The following UBXN2A variants were observed in gnomAD, a reference collection of about 807,000 sequenced individuals.
The protein encoded by UBXN2A is UBX domain-containing protein 2A.
UBXN2A carries 28 observed loss-of-function variants against 28.4 expected under a neutral mutation model. That is an observed-to-expected ratio of 0.99 (90% CI 0.73 to 1.35). UBXN2A has a LOEUF of 1.35. Among genes scored for constraint, UBXN2A ranks in the 40% most tolerant of loss-of-function variants. The pLI, the probability that UBXN2A is intolerant of heterozygous loss-of-function variation, is 0.00. For missense variants in UBXN2A, 253 were observed against 297.9 expected (o/e 0.85, Z 1.11); for synonymous variants, 97 against 103.6 (o/e 0.94, Z 0.39).
At chr2:23,937,419 A>G (rs1179007805), upstream of UBXN2A, among the ~76,000 whole-genome samples, 1 of 152,034 alleles carries the variant, frequency 6.6e-6, no homozygotes, top group Admixed American at 6.6e-5. Flanking sequence ...GCATGGTGGC[A>G]CACGTCTGTG....
intron 4 of UBXN2A, among the ~76,000 whole-genome samples, chr2:23,979,167 A>AC (rs1168788468): frequency 6.6e-6 from 1 of 151,576 alleles, no homozygotes; most frequent in Non-Finnish European, 1.5e-5. Flanking sequence ...ACATGGGAAA[A>AC]CCCCATCTCT....
chr2:23,957,638 C>T (rs1329814317), intron 1 of UBXN2A, among the ~76,000 whole-genome samples: 1 of 151,748 alleles, frequency 6.6e-6, no homozygotes, highest in Non-Finnish European at 1.5e-5. Context: ...AGTTCGAGAC[C>T]AGCCTGACCA....
intron 4 of UBXN2A, among the ~76,000 whole-genome samples, chr2:23,982,024 C>G (rs1270466287): frequency 6.6e-6 from 1 of 151,982 alleles, no homozygotes; most frequent in Non-Finnish European, 1.5e-5. Context: ...AGCTGATAAG[C>G]TTTAAAAAAA....
At chr2:23,947,911 A>G (rs77940485) in intron 1 of UBXN2A, among the ~76,000 whole-genome samples, 26 of 150,466 alleles carry the variant, frequency 1.7e-4, no homozygotes, top group African/African-American at 5.1e-4. Flanking sequence ...CTGGAGTGCA[A>G]TGGCGGGGGC....
chr2:23,970,997 T>C (rs1302287060), intron 2 of UBXN2A, among the ~76,000 whole-genome samples: 1 of 152,156 alleles, frequency 6.6e-6, no homozygotes, highest in Non-Finnish European at 1.5e-5. Flanking sequence ...TGACAGGCCA[T>C]GGGCTTAGGG....
chr2:23,972,498 T>G (rs953987005), intron 3 of UBXN2A, among the ~76,000 whole-genome samples: 2 of 152,222 alleles, frequency 1.3e-5, no homozygotes, highest in Non-Finnish European at 2.9e-5. Flanking sequence ...TAATTTTAAT[T>G]AAGAATGTCC....
At chr2:23,979,107 C>T (rs926086154) in intron 4 of UBXN2A, among the ~76,000 whole-genome samples, 2 of 151,994 alleles carry the variant, frequency 1.3e-5, no homozygotes, top group Admixed American at 1.3e-4. Context: ...CTTTGGGTAG[C>T]CAAGGTGGGT....
At chr2:23,952,351 C>T (rs1194052121) in intron 1 of UBXN2A, among the ~76,000 whole-genome samples, 8 of 152,174 alleles carry the variant, frequency 5.3e-5, no homozygotes, top group Non-Finnish European at 8.8e-5. Flanking sequence ...GCAGCCTCAA[C>T]TTCCTGGGCT....
chr2:23,954,457 T>C (rs1013783665), intron 1 of UBXN2A, among the ~76,000 whole-genome samples: 7 of 152,192 alleles, frequency 4.6e-5, no homozygotes, highest in African/African-American at 1.7e-4. Flanking sequence ...TTTTGGCTAT[T>C]GTGAATATTG....
chr2:23,943,337 C>T (rs771757825), intron 1 of UBXN2A, among the ~76,000 whole-genome samples: 3 of 152,044 alleles, frequency 2.0e-5, no homozygotes, highest in Non-Finnish European at 2.9e-5. Flanking sequence ...AGGAGACCAC[C>T]TAGAGTTGAT....
intron 4 of UBXN2A, among the ~76,000 whole-genome samples, chr2:23,979,055 C>T (rs917499065): frequency 6.6e-6 from 1 of 151,150 alleles, no homozygotes; most frequent in Non-Finnish European, 1.5e-5. Flanking sequence ...ATTAAGAACT[C>T]GAAAATCAGC....
chr2:23,953,899 A>C (rs1185348213), intron 1 of UBXN2A, among the ~76,000 whole-genome samples: 1 of 152,094 alleles, frequency 6.6e-6, no homozygotes, highest in Non-Finnish European at 1.5e-5. Context: ...AAGCTTTTAC[A>C]CTGAGGCATG....
intron 4 of UBXN2A, among the ~76,000 whole-genome samples, chr2:23,979,957 T>G (rs1707830533): frequency 6.6e-6 from 1 of 152,090 alleles, no homozygotes; most frequent in African/African-American, 2.4e-5. Flanking sequence ...TATGTTTAGA[T>G]ATAATTAACC....
At chr2:23,964,066 A>G (rs938841634) in intron 2 of UBXN2A, among the ~76,000 whole-genome samples, 1 of 151,606 alleles carries the variant, frequency 6.6e-6, no homozygotes, top group Non-Finnish European at 1.5e-5. Context: ...TAGGAGTTCT[A>G]GGCTGCAGTG....
chr2:23,942,579 C>A (rs906493654), intron 1 of UBXN2A, among the ~76,000 whole-genome samples: 2 of 151,590 alleles, frequency 1.3e-5, no homozygotes, highest in Non-Finnish European at 2.9e-5. Flanking sequence ...CCACCATGCC[C>A]GGCTAATTTT....
chr2:23,989,739 C>CA (rs1332930768), intron 6 of UBXN2A, among the ~76,000 whole-genome samples: 1 of 151,858 alleles, frequency 6.6e-6, no homozygotes, highest in African/African-American at 2.4e-5. Context: ...TCTATCTCTA[C>CA]AAAAAACACA....
intron 6 of UBXN2A, among the ~76,000 whole-genome samples, chr2:23,994,520 A>T (rs990527272): frequency 6.6e-6 from 1 of 151,640 alleles, no homozygotes; most frequent in Non-Finnish European, 1.5e-5. Context: ...CATATTTTCT[A>T]TTTGACCTGT....
At chr2:23,951,200 T>C (rs2150818072) in intron 1 of UBXN2A, among the ~76,000 whole-genome samples, 1 of 151,834 alleles carries the variant, frequency 6.6e-6, no homozygotes, top group East Asian at 1.9e-4. Context: ...TTTGAATTAG[T>C]TGAAAATAAT....
intron 3 of UBXN2A, among the ~76,000 whole-genome samples, chr2:23,972,776 T>C (rs1019931370): frequency 3.3e-5 from 5 of 151,896 alleles, no homozygotes; most frequent in Middle Eastern, 3.2e-3. Context: ...GAGTTGAGAT[T>C]GCGCCACTGC....
Sources: allele counts gnomAD v4.1 joint callset (sites outside exome capture counted in the v4.1 genomes callset), GRCh38; gene constraint gnomAD v4.1.1; transcripts MANE v1.5; gene names NCBI Gene and HGNC (gene_info 2026-07-23, HGNC 2026-07-21).